UMAD1: variants seen among roughly 807,000 people sequenced by gnomAD.
The protein encoded by UMAD1 is UBAP1-MVB12-associated (UMA)-domain containing protein 1.
In UMAD1, 8 loss-of-function variants were observed where a neutral mutation model predicts 6.1. The ratio of observed to expected loss-of-function variants is 1.30; its 90% CI spans 0.76 to 2.35. UMAD1 has a LOEUF of 2.35. UMAD1 is among the 30% of genes most tolerant of loss of function. UMAD1 has a pLI of 0.00. For synonymous variants in UMAD1, 56 were observed against 31.4 expected, an observed-to-expected ratio of 1.78 and a Z score of -2.61; for missense variants, 130 against 78.4, an observed-to-expected ratio of 1.66 and a Z score of -2.49.
chr7:7,676,232 C>T (rs1779735365), intron 2 of UMAD1: 2 of 398,458 alleles, frequency 5.0e-6, no homozygotes, highest in South Asian at 1.3e-4. Context: ...CCCAGTACCA[C>T]TTAGCATATC....
chr7:7,703,724 G>C (rs934682585), intron 2 of UMAD1, among the ~76,000 whole-genome samples: 1 of 152,132 alleles, frequency 6.6e-6, no homozygotes, highest in Admixed American at 6.5e-5. Flanking sequence ...CAGATCGCTT[G>C]AGCCCAGGAG....
intron 2 of UMAD1, among the ~76,000 whole-genome samples, chr7:7,724,616 C>T (rs917987905): frequency 2.6e-5 from 4 of 152,210 alleles, no homozygotes; most frequent in Non-Finnish European, 5.9e-5. Flanking sequence ...CCCCACTCAG[C>T]TCTCCTGTTT....
At chr7:7,849,238 C>A (rs1253203457) in intron 3 of UMAD1, among the ~76,000 whole-genome samples, 1 of 152,156 alleles carries the variant, frequency 6.6e-6, no homozygotes, top group African/African-American at 2.4e-5. Flanking sequence ...CATCCCATTT[C>A]TTTTCATTGC....
At chr7:7,852,665 A>G (rs1330218107) in intron 3 of UMAD1, among the ~76,000 whole-genome samples, 6 of 152,018 alleles carry the variant, frequency 3.9e-5, no homozygotes, top group Admixed American at 1.3e-4. Context: ...GAGCACAGGA[A>G]CTCTGTTCCT....
chr7:7,702,424 A>G (rs530411366), intron 2 of UMAD1, among the ~76,000 whole-genome samples: 33 of 152,154 alleles, frequency 2.2e-4, no homozygotes, highest in Non-Finnish European at 4.1e-4. Flanking sequence ...GAGTCTATGG[A>G]CTATAATACG....
intron 1 of UMAD1, among the ~76,000 whole-genome samples, chr7:7,669,516 G>A (rs1779552488): frequency 6.6e-6 from 1 of 152,182 alleles, no homozygotes. Context: ...AGATTTTAGT[G>A]CTTTAGCATA....
At chr7:7,662,160 C>G (rs2348554) in intron 1 of UMAD1, among the ~76,000 whole-genome samples, 78,832 of 151,988 alleles carry the variant, frequency 0.52, 20,619 homozygotes, top group East Asian at 0.74. Context: ...GCCCTTCCCC[C>G]CACCAAGCTC....
At chr7:7,682,471 C>T (rs372522454) in intron 2 of UMAD1, among the ~76,000 whole-genome samples, 29 of 152,164 alleles carry the variant, frequency 1.9e-4, no homozygotes, top group African/African-American at 5.5e-4. Flanking sequence ...GTCTCTTCAT[C>T]GCTGTGTTGT....
intron 3 of UMAD1, among the ~76,000 whole-genome samples, chr7:7,834,550 C>G (rs1419399357): frequency 6.6e-6 from 1 of 152,080 alleles, no homozygotes; most frequent in African/African-American, 2.4e-5. Flanking sequence ...AAGATTCTGG[C>G]CAATTCGGTT....
intron 2 of UMAD1, chr7:7,675,992 C>G (rs1779729249): frequency 2.5e-6 from 1 of 394,814 alleles, no homozygotes; most frequent in African/African-American, 2.1e-5. Context: ...TCTGTGGGTA[C>G]CATTACTCTC....
At chr7:7,681,063 T>C (rs1281110824) in intron 2 of UMAD1, among the ~76,000 whole-genome samples, 1 of 152,180 alleles carries the variant, frequency 6.6e-6, no homozygotes, top group African/African-American at 2.4e-5. Flanking sequence ...TGTTGATGTC[T>C]AAATGATAAA....
intron 2 of UMAD1, among the ~76,000 whole-genome samples, chr7:7,709,216 C>T (rs1780686926): frequency 6.6e-6 from 1 of 152,140 alleles, no homozygotes; most frequent in African/African-American, 2.4e-5. Context: ...AGATTTATCT[C>T]AATTATATGT....
At chr7:7,649,062 G>A (rs1158600913) in intron 1 of UMAD1, among the ~76,000 whole-genome samples, 1 of 149,852 alleles carries the variant, frequency 6.7e-6, no homozygotes, top group Non-Finnish European at 1.5e-5. Context: ...GGAGGCTGAG[G>A]CAGGAGAATC....
chr7:7,763,661 G>C (rs1781934297), intron 2 of UMAD1, among the ~76,000 whole-genome samples: 1 of 152,190 alleles, frequency 6.6e-6, no homozygotes, highest in African/African-American at 2.4e-5. Context: ...CAGATCACCT[G>C]AGGTCAGGAG....
chr7:7,661,616 C>T (rs1366789461), intron 1 of UMAD1, among the ~76,000 whole-genome samples: 1 of 152,256 alleles, frequency 6.6e-6, no homozygotes, highest in East Asian at 1.9e-4. Flanking sequence ...ACCCTGTTTG[C>T]CTAGGGATCA....
intron 2 of UMAD1, chr7:7,742,484 C>T (rs747511774): frequency 9.1e-5 from 48 of 525,330 alleles, no homozygotes; most frequent in Non-Finnish European, 1.6e-4. Context: ...TTCAACACTG[C>T]CTTCTTGGCC....
At chr7:7,817,468 C>G (rs1783153874) in intron 3 of UMAD1, among the ~76,000 whole-genome samples, 2 of 152,308 alleles carry the variant, frequency 1.3e-5, no homozygotes, top group South Asian at 4.1e-4. Context: ...CCTTTCGGTG[C>G]TAGAGTAATG....
At chr7:7,849,341 C>T (rs1039568621) in intron 3 of UMAD1, among the ~76,000 whole-genome samples, 1 of 152,122 alleles carries the variant, frequency 6.6e-6, no homozygotes, top group Admixed American at 6.6e-5. Context: ...GGTAGCTTTT[C>T]TAAGGTCACA....
intron 1 of UMAD1, among the ~76,000 whole-genome samples, chr7:7,657,014 G>T (rs1270839389): frequency 6.6e-6 from 1 of 152,106 alleles, no homozygotes; most frequent in East Asian, 1.9e-4. Context: ...CATTCTAACT[G>T]GCGTGAGAAT....
Sources: allele counts gnomAD v4.1 joint callset (sites outside exome capture counted in the v4.1 genomes callset), GRCh38; gene constraint gnomAD v4.1.1; transcripts MANE v1.5; gene names NCBI Gene and HGNC (gene_info 2026-07-23, HGNC 2026-07-21).